TMTC1: variants seen among roughly 807,000 people sequenced by gnomAD.
The protein encoded by TMTC1 is protein O-mannosyl-transferase TMTC1.
Under a neutral mutation model 104.8 loss-of-function variants are expected in TMTC1, and 73 were observed. The ratio of observed to expected loss-of-function variants is 0.70; its 90% CI spans 0.58 to 0.85. TMTC1 has a LOEUF of 0.85. Ranked by LOEUF, TMTC1 falls within the 40% of genes least tolerant of loss-of-function variation. TMTC1 has a pLI of 0.00. For missense variants in TMTC1, 1,035 were observed against 1,096.1 expected, an observed-to-expected ratio of 0.94 and a Z score of 0.79; for synonymous variants, 434 against 428.7, an observed-to-expected ratio of 1.01 and a Z score of -0.15.
At chr12:29,575,258 G>C (rs1211092605) in intron 8 of TMTC1, among the ~76,000 whole-genome samples, 2 of 152,116 alleles carry the variant, frequency 1.3e-5, no homozygotes, top group Admixed American at 6.6e-5. Flanking sequence ...AACTTATTTG[G>C]ATTAAATGAG....
chr12:29,541,229 G>A (rs1418787418), intron 10 of TMTC1, among the ~76,000 whole-genome samples: 3 of 152,114 alleles, frequency 2.0e-5, no homozygotes, highest in Non-Finnish European at 4.4e-5. Context: ...AAAATCACAG[G>A]CACCGCATCC....
At chr12:29,516,058 TA>T (rs1943977182) in intron 15 of TMTC1, among the ~76,000 whole-genome samples, 1 of 151,840 alleles carries the variant, frequency 6.6e-6, no homozygotes, top group African/African-American at 2.4e-5. Flanking sequence ...AAATACAAAA[TA>T]ATAAAGCATA....
chr12:29,679,826 C>T (rs1940852505), intron 5 of TMTC1, among the ~76,000 whole-genome samples: 1 of 151,776 alleles, frequency 6.6e-6, no homozygotes, highest in Non-Finnish European at 1.5e-5. Context: ...TTTACTGTAC[C>T]CTGTTTTGTA....
intron 6 of TMTC1, among the ~76,000 whole-genome samples, chr12:29,625,301 A>G (rs774147232): frequency 2.0e-5 from 3 of 152,174 alleles, no homozygotes; most frequent in Non-Finnish European, 4.4e-5. Flanking sequence ...CATCACACAC[A>G]CACAAAACAG....
At chr12:29,664,112 G>A (rs1444455348) in intron 5 of TMTC1, among the ~76,000 whole-genome samples, 6 of 150,248 alleles carry the variant, frequency 4.0e-5, no homozygotes, top group East Asian at 2.0e-4. Flanking sequence ...GCGTGAACCC[G>A]GGAGGCGGAG....
At chr12:29,650,543 G>A (rs1363415616) in intron 5 of TMTC1, among the ~76,000 whole-genome samples, 1 of 152,194 alleles carries the variant, frequency 6.6e-6, no homozygotes, top group African/African-American at 2.4e-5. Context: ...CAGTGGCAAA[G>A]TCAAAGCATT....
intron 5 of TMTC1, among the ~76,000 whole-genome samples, chr12:29,723,005 C>A (rs929930392): frequency 1.3e-5 from 2 of 149,584 alleles, no homozygotes; most frequent in African/African-American, 4.9e-5. Context: ...AATTAAGACA[C>A]AAAAATCAAT....
intron 6 of TMTC1, among the ~76,000 whole-genome samples, chr12:29,608,136 G>GA (rs1272831608): frequency 2.6e-5 from 4 of 152,074 alleles, no homozygotes; most frequent in Admixed American, 2.0e-4. Flanking sequence ...ATACTTATTT[G>GA]AAAAACATAT....
intron 5 of TMTC1, among the ~76,000 whole-genome samples, chr12:29,672,659 A>T (rs1011589025): frequency 6.6e-6 from 1 of 152,144 alleles, no homozygotes; most frequent in Non-Finnish European, 1.5e-5. Flanking sequence ...CCCCATCCTC[A>T]TTCACATGCT....
At chr12:29,644,088 T>C (rs1210583897) in intron 5 of TMTC1, among the ~76,000 whole-genome samples, 1 of 39,896 alleles carries the variant, frequency 2.5e-5, no homozygotes, top group African/African-American at 1.1e-4. Context: ...AATATAAATA[T>C]AAATATAAAT....
rs1943090904 is a variant in TMTC1, at chr12:29,751,592, C to T, written c.938+74G>A. Reference sequence around the variant, plus strand: ...TGTGCTGACTCAGTGCTTCACTTCCCCAGGCATCCCAGGCTGCACTAGGTG... The same window carrying T: ...TGTGCTGACTCAGTGCTTCACTTCCTCAGGCATCCCAGGCTGCACTAGGTG... On this transcript the variant is annotated intron_variant, in intron 5 of 17. Coordinates refer to ENST00000539277, the MANE Select transcript of TMTC1 (RefSeq NM_001193451.2). 6 of 1,525,258 alleles carry T rather than the reference C, an allele frequency of 3.9e-6. No individual in the cohort carries two copies. The South Asian group carries it at 6.7e-5, about 17-fold the overall frequency. 94.5% of individuals were successfully genotyped at this position (1,525,258 alleles called of 1,614,324 possible).
intron 5 of TMTC1, among the ~76,000 whole-genome samples, chr12:29,716,690 G>A (rs1226398640): frequency 6.6e-6 from 1 of 152,016 alleles, no homozygotes; most frequent in Non-Finnish European, 1.5e-5. Flanking sequence ...GAATAAAAAC[G>A]TTAGTTCAAA....
intron 6 of TMTC1, among the ~76,000 whole-genome samples, chr12:29,619,410 G>T (rs1049126020): frequency 6.6e-6 from 1 of 152,186 alleles, no homozygotes. Flanking sequence ...AGAACAAGGA[G>T]AATAATTTTA....
At chr12:29,714,207 T>C (rs1339130160) in intron 5 of TMTC1, among the ~76,000 whole-genome samples, 5 of 152,210 alleles carry the variant, frequency 3.3e-5, no homozygotes, top group African/African-American at 9.7e-5. Flanking sequence ...GCAAAATCTT[T>C]CTACCAAAAA....
chr12:29,647,670 C>T (rs981892151), intron 5 of TMTC1, among the ~76,000 whole-genome samples: 9 of 152,150 alleles, frequency 5.9e-5, no homozygotes, highest in African/African-American at 2.2e-4. Context: ...TCTTTTCCTA[C>T]AAAGTAATAC....
intron 5 of TMTC1, among the ~76,000 whole-genome samples, chr12:29,687,496 G>C (rs1565769756): frequency 6.6e-6 from 1 of 152,192 alleles, no homozygotes; most frequent in Non-Finnish European, 1.5e-5. Flanking sequence ...GATCAGTGAA[G>C]TTAACACATG....
chr12:29,672,254 G>A (rs187376717), intron 5 of TMTC1, among the ~76,000 whole-genome samples: 11 of 152,280 alleles, frequency 7.2e-5, no homozygotes, highest in Admixed American at 6.5e-4. Flanking sequence ...AGTTCCTGCA[G>A]GAGTACACAC....
intron 11 of TMTC1, chr12:29,533,007 C>T (rs1041246824): frequency 2.0e-5 from 3 of 152,136 alleles, no homozygotes; most frequent in African/African-American, 7.2e-5. Flanking sequence ...TCACTTTCTT[C>T]TGCAAACAAG....
intron 10 of TMTC1, among the ~76,000 whole-genome samples, chr12:29,542,846 C>A (rs1013809985): frequency 6.6e-6 from 1 of 152,076 alleles, no homozygotes; most frequent in Non-Finnish European, 1.5e-5. Context: ...CAGAGTAGAA[C>A]TCTGGGGTAA....
Sources: allele counts gnomAD v4.1 joint callset (sites outside exome capture counted in the v4.1 genomes callset), GRCh38; gene constraint gnomAD v4.1.1; transcripts MANE v1.5; gene names NCBI Gene and HGNC (gene_info 2026-07-23, HGNC 2026-07-21).